The following ANTXR1 variants were observed in gnomAD, a reference collection of about 807,000 sequenced individuals.
ANTXR1 encodes the protein ANTXR cell adhesion molecule 1.
In ANTXR1, 19 loss-of-function variants were observed where a neutral mutation model predicts 78.1. That is an observed-to-expected ratio of 0.24 (90% confidence interval 0.17 to 0.36). The LOEUF is 0.36. Ranked by LOEUF, ANTXR1 falls within the 10% of genes least tolerant of loss-of-function variation. The pLI, the probability that ANTXR1 is intolerant of heterozygous loss-of-function variation, is 1.00. For missense variants in ANTXR1, 518 were observed against 718.6 expected (o/e 0.72, Z 3.19); for synonymous variants, 273 against 260.5 (o/e 1.05, Z -0.46).
intron 1 of ANTXR1, among the ~76,000 whole-genome samples, chr2:69,021,305 GCA>G (rs966435065): frequency 2.0e-4 from 31 of 152,158 alleles, no homozygotes; most frequent in African/African-American, 7.5e-4. Flanking sequence ...CATAATCTAT[GCA>G]CAAAGTTAAA....
At chr2:69,180,600 T>C (rs11126221) in intron 14 of ANTXR1, among the ~76,000 whole-genome samples, 91,420 of 152,110 alleles carry the variant, frequency 0.6, 29,078 homozygotes, top group African/African-American at 0.8. Flanking sequence ...ATTAACTGCT[T>C]TATTTGAGTC....
At chr2:69,211,945 T>C (rs1675054370) in intron 17 of ANTXR1, among the ~76,000 whole-genome samples, 1 of 152,208 alleles carries the variant, frequency 6.6e-6, no homozygotes, top group South Asian at 2.1e-4. Flanking sequence ...TCTCTTCTCA[T>C]TGTAAGTCAA....
At chr2:69,123,191 A>G (rs1672410002) in intron 11 of ANTXR1, 105 bp downstream of exon 11, 2 of 1,201,120 alleles carry the variant, frequency 1.7e-6, no homozygotes, top group Non-Finnish European at 1.2e-6. Flanking sequence ...GCCTTTCTCT[A>G]GGTTCCTCCA....
At chr2:69,159,471 A>G (rs535507521) in intron 13 of ANTXR1, among the ~76,000 whole-genome samples, 22 of 152,246 alleles carry the variant, frequency 1.4e-4, no homozygotes, top group African/African-American at 4.8e-4. Context: ...TAACACTACT[A>G]AACTGTACAC....
Position 69,245,753 on chromosome 2 carries a change from C to T in ANTXR1, c.*268C>T, listed in dbSNP as rs938144909. ...GAAGGTTCCAGAGACAGTGAAACTG[C>T]AAGATGCTCTCAACAGGATTATGTC... On this transcript the variant is annotated 3_prime_UTR_variant, in exon 18 of 18. Coordinates refer to ENST00000303714, the MANE Select transcript of ANTXR1 (RefSeq NM_032208.3). 22 of 450,752 alleles carry T rather than the reference C, an allele frequency of 4.9e-5. No homozygotes were observed. The highest frequency in any genetic ancestry group is 6.0e-4 in the Middle Eastern group (1 of 1,658). 27.9% of individuals were successfully genotyped at this position (450,752 alleles called of 1,614,324 possible). A position where few individuals can be genotyped will look rare whatever the true frequency, so the allele number is the denominator to read the frequency against.
chr2:69,190,566 T>C lies in ANTXR1; in HGVS notation c.1354-2769T>C, dbSNP rs370512772. 5.9e-5 allele frequency among the ~76,000 whole-genome samples: 9 copies of C among 152,332 alleles called. No individual in the cohort carries two copies. In the East Asian group the frequency reaches 1.2e-3, roughly 20 times the overall value. On this transcript the variant is annotated intron_variant, in intron 16 of 17. Coordinates refer to ENST00000303714, the MANE Select transcript of ANTXR1 (RefSeq NM_032208.3). ...CTTCAATATTTAATTTTAAGTCTTA[T>C]AGCAAGTCTGTAGAGTAGACAGTAT...
At chr2:69,113,209 G>A (rs888820483) in intron 10 of ANTXR1, among the ~76,000 whole-genome samples, 4 of 152,062 alleles carry the variant, frequency 2.6e-5, no homozygotes, top group Middle Eastern at 3.2e-3. Flanking sequence ...GCTGTCCTGC[G>A]GGGGTAAGTT....
chr2:69,146,659 C>G (rs1396474710), intron 12 of ANTXR1, among the ~76,000 whole-genome samples: 1 of 152,230 alleles, frequency 6.6e-6, no homozygotes, highest in African/African-American at 2.4e-5. Context: ...TCCCCCTGCC[C>G]AATGTGGACT....
At chr2:69,202,059 G>T (rs1263007683) in intron 17 of ANTXR1, among the ~76,000 whole-genome samples, 1 of 152,186 alleles carries the variant, frequency 6.6e-6, no homozygotes, top group Admixed American at 6.5e-5. Context: ...TGGGCTGCAG[G>T]CAAAGATCTG....
chr2:69,174,116 TA>T (rs1430520065), intron 14 of ANTXR1, among the ~76,000 whole-genome samples: 1 of 152,172 alleles, frequency 6.6e-6, no homozygotes, highest in Non-Finnish European at 1.5e-5. Context: ...ACTGGAGACA[TA>T]GGCAATAATA....
intron 3 of ANTXR1, among the ~76,000 whole-genome samples, chr2:69,061,210 C>T (rs1670227876): frequency 6.6e-6 from 1 of 152,150 alleles, no homozygotes; most frequent in Non-Finnish European, 1.5e-5. Flanking sequence ...CTCCTTCCCA[C>T]TAGAGTTTGA....
intron 17 of ANTXR1, among the ~76,000 whole-genome samples, chr2:69,242,520 G>C (rs776720543): frequency 6.6e-6 from 1 of 152,134 alleles, no homozygotes; most frequent in Non-Finnish European, 1.5e-5. Context: ...ATGAGCTTCC[G>C]GATTCATTAA....
chr2:69,043,386 A>G (rs910327187), intron 2 of ANTXR1, among the ~76,000 whole-genome samples: 3 of 152,352 alleles, frequency 2.0e-5, no homozygotes, highest in Admixed American at 6.5e-5. Flanking sequence ...GATCTCACAC[A>G]TGGTAAGAAC....
chr2:69,183,591 T>G (rs977469394), intron 16 of ANTXR1, among the ~76,000 whole-genome samples: 1 of 143,426 alleles, frequency 7.0e-6, no homozygotes, highest in Admixed American at 6.9e-5. Flanking sequence ...TTTTTTTTTT[T>G]TTTTTTTTGA....
At chr2:69,160,734 C>T (rs62134414) in intron 13 of ANTXR1, among the ~76,000 whole-genome samples, 46 of 152,176 alleles carry the variant, frequency 3.0e-4, no homozygotes, top group Non-Finnish European at 5.1e-4. Flanking sequence ...TGCAGGACTT[C>T]TCAGAGTCAT....
chr2:69,224,570 A>G (rs1168822883), intron 17 of ANTXR1, among the ~76,000 whole-genome samples: 1 of 151,636 alleles, frequency 6.6e-6, no homozygotes, highest in African/African-American at 2.4e-5. Context: ...ATTCCATTCC[A>G]TCCCTAGGGA....
At chr2:69,151,181 A>ATT (rs1673382576) in intron 12 of ANTXR1, among the ~76,000 whole-genome samples, 14 of 77,974 alleles carry the variant, frequency 1.8e-4, no homozygotes, top group South Asian at 8.6e-4. Context: ...ATATCTGATT[A>ATT]TTTTCTTTTT....
chr2:69,245,364 C>G lies in ANTXR1; in HGVS notation c.1574C>G (p.Pro525Arg). Residue 525 changes from proline to arginine, a missense_variant, in exon 18 of 18, where the codon CCC (proline) becomes CGC (arginine). By Grantham distance (103) the Pro-to-Arg change is moderately radical. Transcript: ENST00000303714. ...PPPAPHCPPP[P>R]PSAPTPPIPS... is the part of the protein sequence containing the mutation. ...CCTGCGCCCCACTGCCCTCCCCCGC[C>G]CCCCAGCGCCCCTACCCCTCCCATC... is the stretch of plus-strand genomic sequence containing the variant. 3 of 1,514,646 alleles carry G rather than the reference C, an allele frequency of 2.0e-6. No individual in the cohort carries two copies. The highest frequency in any genetic ancestry group is 2.7e-6 in the Non-Finnish European group (3 of 1,130,874). 93.8% of individuals were successfully genotyped at this position (1,514,646 alleles called of 1,614,324 possible). A position where few individuals can be genotyped will look rare whatever the true frequency, so the allele number is the denominator to read the frequency against.
At chr2:69,162,133 G>T (rs1558611968) in intron 13 of ANTXR1, among the ~76,000 whole-genome samples, 1 of 152,184 alleles carries the variant, frequency 6.6e-6, no homozygotes, top group Non-Finnish European at 1.5e-5. Flanking sequence ...TGCATAGCCA[G>T]GCTCATGAGA....
Sources: gnomAD v4.1 joint callset for allele counts (sites outside exome capture counted in the v4.1 genomes callset) on GRCh38, gnomAD v4.1.1 for gene constraint, MANE v1.5 for transcripts, NCBI Gene and HGNC (gene_info 2026-07-23, HGNC 2026-07-21) for gene names.